Variants in MTAP observed in about 807,000 individuals in gnomAD.
MTAP encodes S-methyl-5'-thioadenosine phosphorylase.
A neutral mutation model predicts 33.6 loss-of-function variants in MTAP; 33 were observed. The ratio of observed to expected loss-of-function variants is 0.98; its 90% confidence interval spans 0.74 to 1.31. The LOEUF is 1.31. Among genes scored for constraint, MTAP ranks in the 40% most tolerant of loss-of-function variants. The pLI, the probability that MTAP is intolerant of heterozygous loss-of-function variation, is 0.00. For missense variants in MTAP, 367 were observed against 360.0 expected (o/e 1.02, Z -0.16); for synonymous variants, 148 against 125.7 (o/e 1.18, Z -1.19).
chr9:21,811,980 T>C, intron 1 of MTAP: 1 of 311,058 alleles, frequency 3.2e-6, no homozygotes, highest in South Asian at 3.0e-5. Context: ...CATGTCCACC[T>C]CCTTCATGGA....
At chr9:21,880,389 A>G (rs992728889) in intron 1 of MTAP, among the ~76,000 whole-genome samples, 38 of 152,174 alleles carry the variant, frequency 2.5e-4, no homozygotes, top group African/African-American at 8.0e-4. Flanking sequence ...GCAACAGAAA[A>G]TGGGCTAAGA....
intron 4 of MTAP, among the ~76,000 whole-genome samples, chr9:21,836,514 A>G (rs1251045868): frequency 3.9e-5 from 6 of 152,142 alleles, no homozygotes; most frequent in Non-Finnish European, 2.9e-5. Flanking sequence ...TGTTCATATC[A>G]TAGTTATAAG....
intron 4 of MTAP, among the ~76,000 whole-genome samples, chr9:21,824,930 G>A (rs185854298): frequency 2.0e-5 from 3 of 152,278 alleles, no homozygotes; most frequent in Admixed American, 2.0e-4. Flanking sequence ...CTGGTGTGCC[G>A]TTTGCTAAGA....
At chr9:21,938,023 A>G (rs1445326374), downstream of MTAP, among the ~76,000 whole-genome samples, 3 of 152,178 alleles carry the variant, frequency 2.0e-5, no homozygotes, top group Non-Finnish European at 2.9e-5. Flanking sequence ...CTGTAATCCT[A>G]GCACTTTGAG....
At chr9:21,937,947 G>A (rs557462406), downstream of MTAP, among the ~76,000 whole-genome samples, 2 of 152,132 alleles carry the variant, frequency 1.3e-5, no homozygotes, top group African/African-American at 2.4e-5. Flanking sequence ...TGAGACCAGC[G>A]TGAGTAACAT....
chr9:21,829,951 T>C (rs1824926049), intron 4 of MTAP, among the ~76,000 whole-genome samples: 2 of 152,196 alleles, frequency 1.3e-5, no homozygotes, highest in Admixed American at 1.3e-4. Flanking sequence ...TCTCTCATGC[T>C]ACATTACAGC....
chr9:21,846,066 A>G (rs1402784342), intron 5 of MTAP, among the ~76,000 whole-genome samples: 1 of 152,248 alleles, frequency 6.6e-6, no homozygotes, highest in Non-Finnish European at 1.5e-5. Flanking sequence ...AGCCAGATGT[A>G]GAAGAATGAA....
chr9:21,833,009 G>A (rs1291492343), intron 4 of MTAP, among the ~76,000 whole-genome samples: 1 of 152,142 alleles, frequency 6.6e-6, no homozygotes, highest in East Asian at 1.9e-4. Context: ...ATGATCTCAT[G>A]AAATATAATA....
chr9:21,878,889 T>G (rs1396223136), intron 1 of MTAP, among the ~76,000 whole-genome samples: 1 of 152,240 alleles, frequency 6.6e-6, no homozygotes, highest in Non-Finnish European at 1.5e-5. Flanking sequence ...AAATCTTGAC[T>G]TATATTTTTA....
intron 4 of MTAP, among the ~76,000 whole-genome samples, chr9:21,835,434 C>T (rs1224963342): frequency 6.6e-6 from 1 of 152,034 alleles, no homozygotes; most frequent in East Asian, 1.9e-4. Flanking sequence ...CCATGTCACT[C>T]AGAAAATTCA....
At chr9:21,931,268 G>T, downstream of MTAP, 1 of 605,718 alleles carries the variant, frequency 1.7e-6, no homozygotes, top group South Asian at 2.0e-5. Context: ...ACAGAAGACT[G>T]ACCTTCATCC....
rs188109726 is a variant in MTAP, at chr9:21,895,629, A to G, written c.148-35379A>G. ...CCCACCCTAATACTGTGCTTTTCCAATGACCTTGGCAAACGGCACACTAGG... is the reference window on the plus strand; with the variant it reads ...CCCACCCTAATACTGTGCTTTTCCAGTGACCTTGGCAAACGGCACACTAGG... On this transcript the variant is annotated intron_variant, in intron 1 of 1. Coordinates refer to the MTAP transcript ENST00000577563. Among the ~76,000 whole-genome samples the G allele has an allele frequency of 2.6e-5, 4 of 152,310 alleles. No individual in the cohort carries two copies. In the East Asian group the frequency reaches 7.7e-4, roughly 29 times the overall value.
At chr9:21,925,455 G>A (rs895039576) in intron 1 of MTAP, among the ~76,000 whole-genome samples, 3 of 152,200 alleles carry the variant, frequency 2.0e-5, no homozygotes, top group African/African-American at 7.2e-5. Context: ...AAAGAGGAAA[G>A]GGCTCAGGGA....
chr9:21,856,067 A>G, intron 6 of MTAP: 1 of 704,908 alleles, frequency 1.4e-6, no homozygotes, highest in Non-Finnish European at 1.7e-6. Flanking sequence ...TTTTAATCTA[A>G]TTTTCACCTC....
intron 4 of MTAP, among the ~76,000 whole-genome samples, chr9:21,833,177 AT>A (rs1464713033): frequency 6.6e-6 from 1 of 152,048 alleles, no homozygotes; most frequent in African/African-American, 2.4e-5. Context: ...ATTGGTCCAA[AT>A]TCATAAGTTT....
At chr9:21,918,119 G>GTATAAACT (rs1818722165) in intron 1 of MTAP, among the ~76,000 whole-genome samples, 1 of 129,334 alleles carries the variant, frequency 7.7e-6, no homozygotes, top group African/African-American at 4.0e-5. Context: ...GGGAGGCCGA[G>GTATAAACT]GCGGGCGGAT....
At chr9:21,829,462 G>C (rs1824913305) in intron 4 of MTAP, among the ~76,000 whole-genome samples, 1 of 147,318 alleles carries the variant, frequency 6.8e-6, no homozygotes, top group Admixed American at 6.8e-5. Flanking sequence ...GTCCCACTCT[G>C]TTGCCCAGGC....
Position 21,854,769 on chromosome 9 carries a change from A to C in MTAP, c.589A>C (p.Thr197Pro), listed in dbSNP as rs961846204. ...CTGGGGGGCGGATGTTATCAACATG[A>C]CCACAGTTCCAGAGGTGGTTCTTGC... ...RTWGADVINM[T>P]TVPEVVLAKE... The change falls in exon 6 of 8, where the codon ACC becomes CCC. Residue 197 changes from threonine to proline, a missense_variant. Physicochemically the swap from Thr to Pro is conservative, Grantham distance 38 (BLOSUM62 -1). Transcript: ENST00000644715. 2 of 1,614,162 alleles carry C rather than the reference A, an allele frequency of 1.2e-6. No individual in the cohort carries two copies. Among genetic ancestry groups the C allele is most frequent in the African/African-American group, 1.3e-5 (1 of 75,050 alleles).
In MTAP at chr9:21,824,142, C is replaced by A. The variant is rs188124284; in HGVS notation, c.347+5940C>A. ...CCATCCAGCTTTGTTCCATTGCTGGCGAGGAGCTGTGTTCCTTTGGAGGGG... is the reference window on the plus strand; with the variant it reads ...CCATCCAGCTTTGTTCCATTGCTGGAGAGGAGCTGTGTTCCTTTGGAGGGG... On this transcript the variant is annotated intron_variant, in intron 4 of 7. Coordinates refer to ENST00000644715, the MANE Select transcript of MTAP (RefSeq NM_002451.4). 5.9e-5 allele frequency among the ~76,000 whole-genome samples: 9 copies of A among 152,314 alleles called. No homozygotes were observed. In the East Asian group the frequency reaches 1.7e-3, roughly 29 times the overall value.
Sources: gnomAD v4.1 joint callset for allele counts (sites outside exome capture counted in the v4.1 genomes callset) on GRCh38, gnomAD v4.1.1 for gene constraint, MANE v1.5 for transcripts, NCBI Gene and HGNC (gene_info 2026-07-23, HGNC 2026-07-21) for gene names.